The following ELMO1 variants were observed in gnomAD, a reference collection of about 807,000 sequenced individuals.
ELMO1 encodes the protein engulfment and cell motility protein 1.
A neutral mutation model predicts 98.9 loss-of-function variants in ELMO1; 26 were observed. That is an observed-to-expected ratio of 0.26 (90% confidence interval 0.19 to 0.36). The LOEUF (loss-of-function observed/expected upper bound fraction) is 0.36. ELMO1 is among the 10% of genes least tolerant of loss of function. The pLI, the probability that ELMO1 is intolerant of heterozygous loss-of-function variation, is 1.00. For synonymous variants in ELMO1, 346 were observed against 346.0 expected (o/e 1.00, Z 0.00); for missense variants, 627 against 935.2 (o/e 0.67, Z 4.30).
intron 13 of ELMO1, among the ~76,000 whole-genome samples, chr7:37,134,550 C>T (rs940436412): frequency 1.4e-5 from 2 of 138,536 alleles, no homozygotes; most frequent in Admixed American, 1.4e-4. Flanking sequence ...CAGGGCAAGA[C>T]TCCATCTCAA....
intron 15 of ELMO1, among the ~76,000 whole-genome samples, chr7:37,087,877 G>C (rs1783871112): frequency 6.6e-6 from 1 of 152,168 alleles, no homozygotes; most frequent in South Asian, 2.1e-4. Context: ...GCATAACAAA[G>C]AGACACAGAT....
intron 4 of ELMO1, among the ~76,000 whole-genome samples, chr7:37,290,008 T>C (rs1797593290): frequency 6.6e-6 from 1 of 152,232 alleles, no homozygotes; most frequent in Non-Finnish European, 1.5e-5. Context: ...GGCCTAAGCA[T>C]AAGTAAGACA....
chr7:37,163,875 A>G (rs1429507588), intron 13 of ELMO1, among the ~76,000 whole-genome samples: 1 of 152,218 alleles, frequency 6.6e-6, no homozygotes, highest in Non-Finnish European at 1.5e-5. Context: ...GCTGGGTTAA[A>G]TGGTATTTCT....
intron 1 of ELMO1, among the ~76,000 whole-genome samples, chr7:37,384,285 C>T: frequency 6.6e-6 from 1 of 152,094 alleles, no homozygotes; most frequent in East Asian, 1.9e-4. Flanking sequence ...ATACTATGCA[C>T]ATGTAATTAC....
At chr7:37,254,411 G>A (rs928289402) in intron 6 of ELMO1, among the ~76,000 whole-genome samples, 1 of 152,170 alleles carries the variant, frequency 6.6e-6, no homozygotes, top group African/African-American at 2.4e-5. Flanking sequence ...GTCATGTGTT[G>A]CTTAACAATG....
At position 37,258,441 on chromosome 7, in the gene ELMO1, A is replaced by T. The variant is rs139307465; in HGVS notation, c.413+740T>A. Among the ~76,000 whole-genome samples the T allele has an allele frequency of 1.9e-3, 156 of 82,308 alleles. 3 individuals carry two copies. The East Asian group carries it at 0.044, about 23-fold the overall frequency. The allele number at this position is 82,308 out of a possible 152,430, so 54.0% of individuals were successfully genotyped here. ...AAGCAACAAAGACTCCATCTCAAATAAAAAAAAATAAGAGAGAGAGAGAGA... is the reference window on the plus strand; with the variant it reads ...AAGCAACAAAGACTCCATCTCAAATTAAAAAAAATAAGAGAGAGAGAGAGA... On this transcript the variant is annotated intron_variant, in intron 6 of 21. Coordinates refer to ENST00000310758, the MANE Select transcript of ELMO1 (RefSeq NM_014800.11).
intron 1 of ELMO1, among the ~76,000 whole-genome samples, chr7:37,358,932 T>A (rs893726264): frequency 3.3e-5 from 5 of 152,038 alleles, no homozygotes; most frequent in Non-Finnish European, 7.4e-5. Context: ...ACAGAAAAGG[T>A]GATGGATTTA....
chr7:37,082,728 C>CAAAG (rs1783537411), intron 15 of ELMO1, among the ~76,000 whole-genome samples: 1 of 151,798 alleles, frequency 6.6e-6, no homozygotes, highest in South Asian at 2.1e-4. Flanking sequence ...CTCAAACAAA[C>CAAAG]AAACAAACAA....
At chr7:37,301,454 C>T (rs1008513696) in intron 4 of ELMO1, among the ~76,000 whole-genome samples, 7 of 152,118 alleles carry the variant, frequency 4.6e-5, no homozygotes, top group Non-Finnish European at 8.8e-5. Context: ...TAGTATTTCT[C>T]CCCCATAGGA....
At chr7:37,372,664 A>G (rs1450186253) in intron 1 of ELMO1, among the ~76,000 whole-genome samples, 1 of 152,260 alleles carries the variant, frequency 6.6e-6, no homozygotes, top group Admixed American at 6.5e-5. Context: ...ACAGAAACAT[A>G]TGCAAGTGTA....
intron 13 of ELMO1, among the ~76,000 whole-genome samples, chr7:37,192,862 G>GATAC (rs895159013): frequency 2.8e-5 from 4 of 142,950 alleles, no homozygotes; most frequent in Non-Finnish European, 6.0e-5. Flanking sequence ...TTTATATATA[G>GATAC]ATACATACAT....
chr7:36,894,954 G>T lies in ELMO1; in HGVS notation c.1501C>A (p.Gln501Lys). The change falls in exon 17 of 22, where the codon CAG becomes AAG. Residue 501 changes from glutamine (Q) to lysine (K), a missense_variant. By Grantham distance (53) the Gln-to-Lys change is moderately conservative. This residue lies in a region of ELMO1 where 492 missense variants were observed against 715.6 expected (regional missense o/e 0.69). Coordinates refer to ENST00000310758, the MANE Select transcript of ELMO1 (RefSeq NM_014800.11). ...AGGTTCTGCAGTTTGCTCTTGAACT[G>T]GTCCAGGGAGCTAGGCTTGGTTGTA... ...ALTTKPSSLD[Q>K]FKSKLQNLSY... 6.2e-7 allele frequency: 1 copy of T among 1,614,086 alleles called. No homozygotes were observed. Among genetic ancestry groups the T allele is most frequent in the African/African-American group, 1.3e-5 (1 of 75,026 alleles).
At chr7:37,433,124 GA>G (rs1805000127) in intron 1 of ELMO1, among the ~76,000 whole-genome samples, 1 of 152,182 alleles carries the variant, frequency 6.6e-6, no homozygotes, top group Non-Finnish European at 1.5e-5. Context: ...CAAAATTGAG[GA>G]CAGCGAGAGT....
intron 14 of ELMO1, among the ~76,000 whole-genome samples, chr7:37,110,396 G>A (rs996369602): frequency 2.0e-5 from 3 of 152,080 alleles, no homozygotes; most frequent in South Asian, 2.1e-4. Context: ...CACCTGACTG[G>A]AGCTAATGAC....
intron 13 of ELMO1, among the ~76,000 whole-genome samples, chr7:37,168,753 G>T (rs1327373492): frequency 1.3e-5 from 2 of 152,192 alleles, no homozygotes; most frequent in Non-Finnish European, 2.9e-5. Flanking sequence ...CCCTACTGGG[G>T]GGTGCCTCCC....
intron 16 of ELMO1, among the ~76,000 whole-genome samples, chr7:36,925,999 G>A (rs536798053): frequency 8.5e-5 from 13 of 152,234 alleles, no homozygotes; most frequent in East Asian, 1.9e-4. Context: ...AATCAATCTC[G>A]ATTTTACATG....
intron 10 of ELMO1, among the ~76,000 whole-genome samples, chr7:37,217,910 A>G (rs530925665): frequency 6.6e-6 from 1 of 152,346 alleles, no homozygotes; most frequent in African/African-American, 2.4e-5. Context: ...AGGTGACTCA[A>G]AAAAGCTAGA....
chr7:37,084,479 G>C (rs1358378392), intron 15 of ELMO1, among the ~76,000 whole-genome samples: 1 of 152,180 alleles, frequency 6.6e-6, no homozygotes, highest in Admixed American at 6.5e-5. Context: ...AGGAAGACAG[G>C]ATATTTACAA....
rs1784287643 is a variant in ELMO1 at position 37,094,765 on chromosome 7, C to T, written c.1300+1854G>A. ...TGAACACAACTACTCAAATCACCAC[C>T]CAAAATACTTCCAATCCATTTCTAG... is the stretch of plus-strand genomic sequence containing the variant. On this transcript the variant is annotated intron_variant, in intron 15 of 21. Coordinates refer to ENST00000310758, the MANE Select transcript of ELMO1 (RefSeq NM_014800.11). Among the ~76,000 whole-genome samples, 4 of 152,324 alleles carry T rather than the reference C, an allele frequency of 2.6e-5. No individual in the cohort carries two copies. The South Asian group carries it at 8.3e-4, about 32-fold the overall frequency.
Sources: gnomAD v4.1 joint callset for allele counts (sites outside exome capture counted in the v4.1 genomes callset) on GRCh38, gnomAD v4.1.1 for gene constraint, gnomAD v4.1.1 regional missense constraint, MANE v1.5 for transcripts, NCBI Gene and HGNC (gene_info 2026-07-23, HGNC 2026-07-21) for gene names.